Variants in ITSN1 observed in about 807,000 individuals in gnomAD.
The protein encoded by ITSN1 is intersectin-1.
ITSN1 carries 58 observed loss-of-function variants against 239.8 expected under a neutral mutation model. The observed-to-expected ratio is 0.24, with a 90% confidence interval of 0.20 to 0.30. The LOEUF (loss-of-function observed/expected upper bound fraction) is 0.30, where lower values mean the gene tolerates loss of function less well. Among genes scored for constraint, ITSN1 ranks in the 10% least tolerant of loss-of-function variants. The probability of loss-of-function intolerance (pLI) is 1.00; values close to 1 mark genes in which losing one functional copy is unlikely to be tolerated. For missense variants in ITSN1, 1,558 were observed against 2,103.3 expected (o/e 0.74, Z 5.07); for synonymous variants, 780 against 770.8 (o/e 1.01, Z -0.20).
chr21:33,761,529 G>A (rs540764852), intron 8 of ITSN1, among the ~76,000 whole-genome samples: 1 of 152,210 alleles, frequency 6.6e-6, no homozygotes, highest in South Asian at 2.1e-4. Context: ...TGAGCAGGGT[G>A]GAGACAGCAG....
In ITSN1 at chr21:33,813,917, C is replaced by T. The variant is rs1264371857; in HGVS notation, c.2572C>T (p.Pro858Ser). Residue 858 changes from proline to serine, a missense_variant, in exon 22 of 40, where the codon CCC becomes TCC. Pro to Ser is a moderately conservative substitution (Grantham distance 74). Coordinates refer to ENST00000381318, the MANE Select transcript of ITSN1 (RefSeq NM_003024.3). ...GTGTTGTGCTTTTCCCTCCAGGTGG[C>T]CCACCAGCACGAATGAGAAACCAGA... is the stretch of plus-strand genomic sequence containing the variant. ...NNWADFSSTW[P>S]TSTNEKPETD... The T allele has an allele frequency of 1.9e-6, 3 of 1,612,790 alleles. No individual in the cohort carries two copies. The highest frequency in any genetic ancestry group is 1.3e-5 in the African/African-American group (1 of 74,650).
chr21:33,661,353 A>G (rs771522510), intron 1 of ITSN1, among the ~76,000 whole-genome samples: 7 of 152,176 alleles, frequency 4.6e-5, no homozygotes, highest in Non-Finnish European at 1.0e-4. Context: ...TCATACAAGC[A>G]TTAAGCATGT....
At chr21:33,885,355 A>G (rs919907656) in intron 37 of ITSN1, 84 bp from the exon 38 acceptor site, 66 of 1,275,252 alleles carry the variant, frequency 5.2e-5, no homozygotes, top group African/African-American at 2.6e-4. Context: ...GGAGAGGTAC[A>G]TGAAATGCAT....
chr21:33,750,231 C>T lies in ITSN1; in HGVS notation c.435C>T (p.Thr145=), dbSNP rs1323610481. Residue 145 remains threonine, a synonymous_variant, in exon 6 of 40, where the codon ACC becomes ACT. Transcript: ENST00000381318. ...GSIPVVGMSP[T]LVSSVPTAAV... is the part of the protein sequence containing the mutation. ...TTCCAGTTGTTGGAATGTCTCCAAC[C>T]CTAGTATCTTCTGTTCCCACAGCAG... 1 of 1,614,066 alleles carries T rather than the reference C, an allele frequency of 6.2e-7. No individual in the cohort carries two copies. Among genetic ancestry groups the T allele is most frequent in the Non-Finnish European group, 8.5e-7 (1 of 1,179,966 alleles).
intron 1 of ITSN1, among the ~76,000 whole-genome samples, chr21:33,699,686 T>C (rs2091928340): frequency 6.6e-6 from 1 of 152,194 alleles, no homozygotes; most frequent in Admixed American, 6.5e-5. Context: ...GCCACTGCTT[T>C]CCAGCCTGGG....
Position 33,896,972 on chromosome 21 carries a change from G to A in ITSN1, c.*8672G>A, listed in dbSNP as rs996032293. On this transcript the variant is annotated 3_prime_UTR_variant, in exon 40 of 40. Transcript: ENST00000381318. ...ACAAATTATGGCTTTGTTTTCATGCGTCATGCAATCTTCCGGACTACGGGA... is the reference window on the plus strand; with the variant it reads ...ACAAATTATGGCTTTGTTTTCATGCATCATGCAATCTTCCGGACTACGGGA... 3 of 152,142 alleles carry A rather than the reference G, an allele frequency of 2.0e-5. No individual in the cohort carries two copies. The highest frequency in any genetic ancestry group is 7.2e-5 in the African/African-American group (3 of 41,408). 9.4% of individuals were successfully genotyped at this position (152,142 alleles called of 1,614,324 possible).
chr21:33,828,755 T>C (rs899434197), intron 26 of ITSN1, among the ~76,000 whole-genome samples: 1 of 152,174 alleles, frequency 6.6e-6, no homozygotes, highest in African/African-American at 2.4e-5. Flanking sequence ...AAAGCAGTAG[T>C]TGCAGATGAG....
intron 1 of ITSN1, among the ~76,000 whole-genome samples, chr21:33,676,691 G>A (rs1426478437): frequency 6.6e-6 from 1 of 152,158 alleles, no homozygotes; most frequent in Non-Finnish European, 1.5e-5. Context: ...GGCAAATTTA[G>A]GTATAAAGTT....
intron 32 of ITSN1, among the ~76,000 whole-genome samples, chr21:33,866,611 A>G (rs1227605965): frequency 6.6e-6 from 1 of 151,936 alleles, no homozygotes; most frequent in Non-Finnish European, 1.5e-5. Flanking sequence ...CGGTCCCTGG[A>G]GACAGTTATC....
intron 1 of ITSN1, among the ~76,000 whole-genome samples, chr21:33,671,766 T>G (rs1419290612): frequency 6.6e-6 from 1 of 151,652 alleles, no homozygotes; most frequent in African/African-American, 2.4e-5. Context: ...CACTCCAGTC[T>G]GGGCGACAAA....
intron 1 of ITSN1, among the ~76,000 whole-genome samples, chr21:33,656,695 TTTTA>T (rs1204090706): frequency 2.0e-5 from 3 of 151,772 alleles, no homozygotes; most frequent in South Asian, 4.2e-4. Context: ...GTGCCACTTG[TTTTA>T]TTTATTTATT....
chr21:33,885,544 G>A (rs368638058), intron 38 of ITSN1, 22 bp downstream of exon 38: 22 of 1,606,644 alleles, frequency 1.4e-5, no homozygotes, highest in African/African-American at 1.2e-4. Flanking sequence ...AGGCGCCCCC[G>A]GCTCCTGCTT....
intron 1 of ITSN1, among the ~76,000 whole-genome samples, chr21:33,715,574 G>T (rs2065084290): frequency 6.6e-6 from 1 of 152,114 alleles, no homozygotes; most frequent in South Asian, 2.1e-4. Flanking sequence ...GAATTATCAA[G>T]GTTGCCTATA....
In ITSN1 at chr21:33,818,287, A is replaced by G. The variant is rs1041127954; in HGVS notation, c.2748A>G (p.Leu916=). The change falls in exon 23 of 40, where the codon CTA becomes CTG. Residue 916 remains leucine, a synonymous_variant. Coordinates refer to ENST00000381318, the MANE Select transcript of ITSN1 (RefSeq NM_003024.3). ...ACAAGGGTGAAAAGGTGGAGGGGCT[A>G]CAAGCTCAAGCCCTATATCCTTGGA... is the stretch of plus-strand genomic sequence containing the variant. ...VLGQGEKVEG[L]QAQALYPWRA... 2.5e-6 allele frequency: 4 copies of G among 1,614,072 alleles called. No homozygotes were observed. Among genetic ancestry groups the G allele is most frequent in the South Asian group, 1.1e-5 (1 of 91,088 alleles).
At chr21:33,714,176 A>G (rs7280417) in intron 1 of ITSN1, among the ~76,000 whole-genome samples, 8,437 of 152,234 alleles carry the variant, frequency 0.055, 794 homozygotes, top group African/African-American at 0.19. Context: ...TAGTGAATAA[A>G]CCTGAAAGGT....
At chr21:33,821,664 C>T (rs1051397377) in intron 24 of ITSN1, among the ~76,000 whole-genome samples, 1 of 152,170 alleles carries the variant, frequency 6.6e-6, no homozygotes, top group Non-Finnish European at 1.5e-5. Flanking sequence ...CAAGGCCAGC[C>T]TCAGTCTTCC....
chr21:33,727,221 A>G (rs1424857243), intron 4 of ITSN1, among the ~76,000 whole-genome samples: 1 of 152,184 alleles, frequency 6.6e-6, no homozygotes, highest in East Asian at 1.9e-4. Context: ...CCTTTTGGCA[A>G]TTGAAGTGCT....
intron 14 of ITSN1, 87 bp downstream of exon 14, chr21:33,775,195 C>A: frequency 7.2e-7 from 1 of 1,393,178 alleles, no homozygotes; most frequent in Non-Finnish European, 9.9e-7. Context: ...ATTCAGTAAA[C>A]ATTAAGCAAC....
chr21:33,747,057 G>A (rs1236801376), intron 5 of ITSN1, among the ~76,000 whole-genome samples: 5 of 152,046 alleles, frequency 3.3e-5, no homozygotes, highest in African/African-American at 1.2e-4. Context: ...GGGAGTCTGA[G>A]GCAGGAGAAT....
Sources: gnomAD v4.1 joint callset for allele counts (sites outside exome capture counted in the v4.1 genomes callset) on GRCh38, gnomAD v4.1.1 for gene constraint, MANE v1.5 for transcripts, NCBI Gene and HGNC (gene_info 2026-07-23, HGNC 2026-07-21) for gene names.